Variants in SECISBP2 observed in about 807,000 individuals in gnomAD.
The protein encoded by SECISBP2 is selenocysteine insertion sequence-binding protein 2.
In SECISBP2, 96 loss-of-function variants were observed where a neutral mutation model predicts 98.2. The ratio of observed to expected loss-of-function variants is 0.98; its 90% CI spans 0.83 to 1.16. The LOEUF (loss-of-function observed/expected upper bound fraction) is 1.16. Among genes scored for constraint, SECISBP2 ranks in the 50% most tolerant of loss-of-function variants. SECISBP2 has a pLI of 0.00. For synonymous variants in SECISBP2, 407 were observed against 370.2 expected, an observed-to-expected ratio of 1.10 and a Z score of -1.14; for missense variants, 1,046 against 1,022.9, an observed-to-expected ratio of 1.02 and a Z score of -0.31.
intron 7 of SECISBP2, among the ~76,000 whole-genome samples, chr9:89,335,342 T>A (rs1271859749): frequency 6.6e-6 from 1 of 151,942 alleles, no homozygotes; most frequent in Non-Finnish European, 1.5e-5. Context: ...CACTGAATAG[T>A]CTTTGTTTTT....
chr9:89,339,785 G>T, intron 8 of SECISBP2, 79 bp from the exon 9 acceptor site: 2 of 1,013,990 alleles, frequency 2.0e-6, no homozygotes, highest in Non-Finnish European at 1.6e-6. Context: ...ACTGAAGAAT[G>T]AAAATATAAG....
chr9:89,346,575 G>A (rs115694056), intron 10 of SECISBP2, among the ~76,000 whole-genome samples: 27 of 141,736 alleles, frequency 1.9e-4, no homozygotes, highest in Non-Finnish European at 3.7e-4. Context: ...GATCCATGCT[G>A]TATTAGACTG....
intron 12 of SECISBP2, 138 bp from the exon 13 acceptor site, chr9:89,349,638 A>AC (rs1830961939): frequency 2.1e-6 from 2 of 933,640 alleles, no homozygotes; most frequent in South Asian, 2.8e-5. Flanking sequence ...CCTTCTGTAA[A>AC]CCTCTCTGCA....
intron 12 of SECISBP2, 104 bp downstream of exon 12, chr9:89,348,318 C>G: frequency 7.4e-7 from 1 of 1,343,472 alleles, no homozygotes; most frequent in Non-Finnish European, 1.1e-6. Context: ...GACTCCTCTT[C>G]CTTTTGTGGT....
At chr9:89,338,371 GAT>G (rs1829116013) in intron 7 of SECISBP2, 85 bp from the exon 8 acceptor site, 3 of 1,455,934 alleles carry the variant, frequency 2.1e-6, no homozygotes, top group Non-Finnish European at 2.8e-6. Context: ...TATAGGACTT[GAT>G]ATCTTAATTT....
chr9:89,363,543 G>C (rs750562425), downstream of SECISBP2: 3 of 1,613,714 alleles, frequency 1.9e-6, no homozygotes, highest in Non-Finnish European at 2.5e-6. Flanking sequence ...AAACAAGCAG[G>C]GTCCCCAGGT....
chr9:89,330,953 C>T (rs1827653228), intron 5 of SECISBP2, among the ~76,000 whole-genome samples: 1 of 152,196 alleles, frequency 6.6e-6, no homozygotes, highest in African/African-American at 2.4e-5. Context: ...AGAAGATATA[C>T]ATACTGATTG....
At chr9:89,351,502 T>C (rs1588000225) in intron 14 of SECISBP2, among the ~76,000 whole-genome samples, 2 of 152,268 alleles carry the variant, frequency 1.3e-5, no homozygotes, top group Admixed American at 1.3e-4. Flanking sequence ...GCATTGCTCA[T>C]GGACACCTGT....
downstream of SECISBP2, chr9:89,364,206 G>A (rs1833217928): frequency 1.4e-5 from 9 of 656,340 alleles, no homozygotes; most frequent in South Asian, 1.7e-4. Context: ...TGTGTGGCCT[G>A]TGTCCCCTAG....
At chr9:89,357,039 G>C in intron 14 of SECISBP2, 1 of 347,614 alleles carries the variant, frequency 2.9e-6, no homozygotes, top group Non-Finnish European at 5.6e-6. Flanking sequence ...TCGACCAGGG[G>C]TACAATGTGG....
At chr9:89,350,879 A>T in intron 14 of SECISBP2, 27 bp downstream of exon 14, 1 of 1,595,242 alleles carries the variant, frequency 6.3e-7, no homozygotes, top group Non-Finnish European at 8.6e-7. Context: ...GTCCTGTGAT[A>T]TGTGGGCCCC....
intron 13 of SECISBP2, 84 bp downstream of exon 13, chr9:89,350,013 T>C: frequency 1.3e-6 from 2 of 1,514,696 alleles, no homozygotes; most frequent in Non-Finnish European, 1.8e-6. Flanking sequence ...CCATAAATCC[T>C]TGTTGCTGGG....
At chr9:89,366,471 G>A in the SECISBP2 span, among the ~76,000 whole-genome samples, 2 of 152,172 alleles carry the variant, frequency 1.3e-5, no homozygotes. Context: ...GCCCTGGCCT[G>A]GTGGACAAGC....
Position 89,338,548 on chromosome 9 carries a change from G to A in SECISBP2, c.1180G>A (p.Val394Ile). The A allele has an allele frequency of 6.2e-7, 1 of 1,612,852 alleles. No individual in the cohort carries two copies. The highest frequency in any genetic ancestry group is 8.5e-7 in the Non-Finnish European group (1 of 1,179,666). Reference protein sequence around the residue: ...KKEKSTSKYEVLTVQEPPRIE... With the variant: ...KKEKSTSKYEILTVQEPPRIE... ...AGAAAAATCTACATCAAAATATGAA[G>A]TCCTGACAGTTCAAGAGCCTCCAAG... is the stretch of plus-strand genomic sequence containing the variant. Residue 394 changes from valine to isoleucine, a missense_variant, in exon 8 of 17, where the codon GTC becomes ATC. Transcript: ENST00000375807.
chr9:89,353,254 A>C (rs1231180281), intron 14 of SECISBP2, among the ~76,000 whole-genome samples: 1 of 152,130 alleles, frequency 6.6e-6, no homozygotes, highest in Non-Finnish European at 1.5e-5. Context: ...GAGTGCACTG[A>C]GAACTTCTGC....
Position 89,334,594 on chromosome 9 carries a change from A to AC in SECISBP2, c.953_954insC (p.Val319CysfsTer17), listed in dbSNP as rs1564365818. ...ACAGAACTGTCAGCAGCCCCTAAAAATGTTACTTCTATGATAAACTTAAAG... is the reference window on the plus strand; with the variant it reads ...ACAGAACTGTCAGCAGCCCCTAAAAACTGTTACTTCTATGATAAACTTAAAG... On this transcript the variant is annotated frameshift_variant, in exon 7 of 17. Coordinates refer to ENST00000375807, the MANE Select transcript of SECISBP2 (RefSeq NM_024077.5). LOFTEE classifies it high-confidence loss of function. 1 of 1,614,218 alleles carries AC rather than the reference A, an allele frequency of 6.2e-7. No homozygotes were observed. Among genetic ancestry groups the AC allele is most frequent in the Admixed American group, 1.7e-5 (1 of 60,034 alleles).
At chr9:89,362,760 G>C (rs1287423088), downstream of SECISBP2, among the ~76,000 whole-genome samples, 1 of 152,234 alleles carries the variant, frequency 6.6e-6, no homozygotes, top group Non-Finnish European at 1.5e-5. Flanking sequence ...TGTACTGCTG[G>C]CAGCCACGTA....
At position 89,346,996 on chromosome 9, in the gene SECISBP2, A is replaced by C. The variant is rs764559916; in HGVS notation, c.1550A>C (p.Lys517Thr). Residue 517 changes from lysine to threonine, a missense_variant, in exon 11 of 17, where the codon AAA becomes ACA. Lys to Thr is a moderately conservative substitution (Grantham distance 78, BLOSUM62 -1). Transcript: ENST00000375807. ...GACTCCAGCGCCCCACTGATGAAGA[A>C]AGGGAAGCAGAGGGAGATCCCCAAG... Reference protein sequence around the residue: ...PLDSSAPLMKKGKQREIPKAK... With the variant: ...PLDSSAPLMKTGKQREIPKAK... 6.2e-7 allele frequency: 1 copy of C among 1,614,204 alleles called. No homozygotes were observed. Among genetic ancestry groups the C allele is most frequent in the Non-Finnish European group, 8.5e-7 (1 of 1,180,020 alleles).
At chr9:89,337,800 T>G (rs1829010546) in intron 7 of SECISBP2, among the ~76,000 whole-genome samples, 1 of 152,182 alleles carries the variant, frequency 6.6e-6, no homozygotes, top group Non-Finnish European at 1.5e-5. Context: ...CAGACAGATG[T>G]AGGACATGTC....
Sources: gnomAD v4.1 joint callset for allele counts (sites outside exome capture counted in the v4.1 genomes callset) on GRCh38, gnomAD v4.1.1 for gene constraint, MANE v1.5 for transcripts, NCBI Gene and HGNC (gene_info 2026-07-23, HGNC 2026-07-21) for gene names.